Variants in FAM193B observed in about 807,000 individuals in gnomAD.
FAM193B encodes the protein family with sequence similarity 193 member B.
In FAM193B, 27 loss-of-function variants were observed where a neutral mutation model predicts 70.7. The ratio of observed to expected loss-of-function variants is 0.38; its 90% confidence interval spans 0.28 to 0.53. The LOEUF (loss-of-function observed/expected upper bound fraction) is 0.53. Among genes scored for constraint, FAM193B ranks in the 20% least tolerant of loss-of-function variants. The pLI, the probability that FAM193B is intolerant of heterozygous loss-of-function variation, is 0.81. For missense variants in FAM193B, 1,022 were observed against 1,072.5 expected, an observed-to-expected ratio of 0.95 and a Z score of 0.66; for synonymous variants, 448 against 436.0, an observed-to-expected ratio of 1.03 and a Z score of -0.34.
At chr5:177,528,388 G>A (rs1026852770) in intron 5 of FAM193B, among the ~76,000 whole-genome samples, 6 of 152,170 alleles carry the variant, frequency 3.9e-5, no homozygotes, top group Admixed American at 3.3e-4. Context: ...GAGGAAAGAG[G>A]CTGGGGAGGG....
In FAM193B at chr5:177,525,041, GT is replaced by G; in HGVS notation, c.1439del (p.Asn480ThrfsTer58). The G allele has an allele frequency of 6.3e-6, 10 of 1,586,936 alleles. No individual in the cohort carries two copies. The highest frequency in any genetic ancestry group is 2.3e-5 in the South Asian group (2 of 87,128). On this transcript the variant is annotated frameshift_variant, in exon 6 of 9. Transcript: ENST00000514747. LOFTEE classifies it high-confidence loss of function. ...FLSSRLQEIK[N>X]TVKDSIRASF... ...TGGCACGGATGGAGTCTTTGACAGT[GT>G]TTTTGATCTCCTGCAGACGGCTGCT...
intron 1 of FAM193B, among the ~76,000 whole-genome samples, chr5:177,549,677 G>A (rs942255560): frequency 6.6e-6 from 1 of 152,234 alleles, no homozygotes; most frequent in African/African-American, 2.4e-5. Context: ...AAGGGACTAT[G>A]TCTGATTCAC....
At chr5:177,548,428 C>T (rs1258664555) in intron 1 of FAM193B, among the ~76,000 whole-genome samples, 1 of 152,178 alleles carries the variant, frequency 6.6e-6, no homozygotes, top group East Asian at 1.9e-4. Context: ...TAGATCAGAA[C>T]TGGGGGAAGG....
chr5:177,553,847 G>A (rs1030773163), intron 1 of FAM193B: 4 of 1,276,146 alleles, frequency 3.1e-6, no homozygotes, highest in East Asian at 5.5e-5. Context: ...AGAGGGAAGA[G>A]GCTGCAGTCG....
intron 5 of FAM193B, chr5:177,531,623 G>C (rs974807694): frequency 1.3e-5 from 13 of 1,021,630 alleles, no homozygotes; most frequent in African/African-American, 1.2e-4. Flanking sequence ...CAAGACAACT[G>C]TTCTCTCTAC....
In FAM193B at chr5:177,522,015, T is replaced by C. The variant is rs1258435124; in HGVS notation, c.2429A>G (p.Asn810Ser). The change falls in exon 8 of 9, where the codon AAC (asparagine) becomes AGC (serine). Residue 810 changes from asparagine (N) to serine (S), a missense_variant. Physicochemically the swap from Asn to Ser is conservative, Grantham distance 46. Coordinates refer to ENST00000514747, the MANE Select transcript of FAM193B (RefSeq NM_001190946.3). ...TRQKVAVNWT[N>S]FSLKKTTPST... ...AGGAGTGGTTTTCTTGAGGCTGAAGTTGGTCCAGTTCACAGCAACTTTCTG... is the reference window on the plus strand; with the variant it reads ...AGGAGTGGTTTTCTTGAGGCTGAAGCTGGTCCAGTTCACAGCAACTTTCTG... The C allele has an allele frequency of 2.5e-6, 4 of 1,614,006 alleles. No individual in the cohort carries two copies. The highest frequency in any genetic ancestry group is 3.4e-6 in the Non-Finnish European group (4 of 1,179,872).
At chr5:177,552,697 T>TG (rs559723209) in intron 1 of FAM193B, among the ~76,000 whole-genome samples, 35 of 152,052 alleles carry the variant, frequency 2.3e-4, no homozygotes, top group Admixed American at 3.9e-4. Flanking sequence ...CAGTAGGGGT[T>TG]GGGGGTCCAA....
chr5:177,527,075 G>A (rs1458566829), intron 5 of FAM193B, among the ~76,000 whole-genome samples: 1 of 152,228 alleles, frequency 6.6e-6, no homozygotes, highest in Non-Finnish European at 1.5e-5. Flanking sequence ...CTGGAGGTGG[G>A]AGGATCTGCA....
intron 1 of FAM193B, among the ~76,000 whole-genome samples, chr5:177,539,978 CTTTTT>C (rs113794199): frequency 0.014 from 2,149 of 148,490 alleles, 40 homozygotes; most frequent in African/African-American, 0.05. Flanking sequence ...ATTATTTGGA[CTTTTT>C]TTTTTGCCTT....
At chr5:177,525,325 A>T (rs1455976961) in intron 5 of FAM193B, 120 bp from the exon 6 acceptor site, 38 of 1,075,562 alleles carry the variant, frequency 3.5e-5, no homozygotes, top group Non-Finnish European at 4.4e-5. Flanking sequence ...AAGCCTTAAA[A>T]TCCTAGCCTG....
chr5:177,525,929 A>G (rs1330958914), intron 5 of FAM193B, among the ~76,000 whole-genome samples: 1 of 152,140 alleles, frequency 6.6e-6, no homozygotes, highest in East Asian at 1.9e-4. Flanking sequence ...AGTCACCCCA[A>G]CCTCTCCATC....
chr5:177,527,748 TA>T (rs1762829119), intron 5 of FAM193B, among the ~76,000 whole-genome samples: 1 of 152,242 alleles, frequency 6.6e-6, no homozygotes, highest in Non-Finnish European at 1.5e-5. Flanking sequence ...CCAGGCATGC[TA>T]TTCCAGGTCA....
chr5:177,538,876 T>C lies in FAM193B; in HGVS notation c.453+29A>G. ...TTCCTTGGGGAGGAGCCCTCCTGCA[T>C]TCAGGGACCCCTGTCAGCGGTTACC... On this transcript the variant is annotated intron_variant, in intron 2 of 8. Transcript: ENST00000514747. The surrounding 1 kb of genome is among the most constrained non-coding windows in gnomAD (Gnocchi z 4.1). The C allele has an allele frequency of 6.2e-7, 1 of 1,611,286 alleles. No homozygotes were observed. The highest frequency in any genetic ancestry group is 8.5e-7 in the Non-Finnish European group (1 of 1,177,964).
At position 177,538,830 on chromosome 5, in the gene FAM193B, G is replaced by A; in HGVS notation, c.453+75C>T. The A allele has an allele frequency of 6.3e-7, 1 of 1,579,630 alleles. No individual in the cohort carries two copies. The highest frequency in any genetic ancestry group is 8.6e-7 in the Non-Finnish European group (1 of 1,159,128). On this transcript the variant is annotated intron_variant, in intron 2 of 8. Coordinates refer to ENST00000514747, the MANE Select transcript of FAM193B (RefSeq NM_001190946.3). This position sits in a 1 kb window ranked among gnomAD's most constrained non-coding sequence, Gnocchi z 4.1. ...GGGAGCTGCCCAAGGAGAGCCACCT[G>A]AGGACAGGGAACAGCCTGACTTCCT... is the stretch of plus-strand genomic sequence containing the variant.
Position 177,532,118 on chromosome 5 carries a change from A to G in FAM193B, c.1275+325T>C. The G allele has an allele frequency of 2.3e-6, 3 of 1,332,350 alleles. No homozygotes were observed. Among genetic ancestry groups the G allele is most frequent in the Non-Finnish European group, 2.9e-6 (3 of 1,017,834 alleles). 82.5% of individuals were successfully genotyped at this position (1,332,350 alleles called of 1,614,324 possible). ...CTTCCACTCTGCCTTCATCACTCCC[A>G]AGCGTTCACTTCTCTGGGATTACAC... On this transcript the variant is annotated intron_variant, in intron 5 of 8. Coordinates refer to ENST00000514747, the MANE Select transcript of FAM193B (RefSeq NM_001190946.3). This position sits in a 1 kb window ranked among gnomAD's most constrained non-coding sequence, Gnocchi z 4.9.
intron 3 of FAM193B, 94 bp from the exon 4 acceptor site, chr5:177,536,839 G>A: frequency 6.8e-7 from 1 of 1,470,178 alleles, no homozygotes; most frequent in Non-Finnish European, 9.1e-7. Context: ...CTGCTTCTGT[G>A]ACAAGAGGGC....
Position 177,539,125 on chromosome 5 carries a change from G to A in FAM193B, c.233C>T (p.Pro78Leu). ...ACACAGCAGGCAGCAAGTCTGCACA[G>A]GCTGGCTGGAGGCGGGGGGGACCTG... ...GPQVPPASSQ[P>L]VQTCCLLCHR... Residue 78 changes from proline to leucine, a missense_variant, in exon 2 of 9, where the codon CCT becomes CTT. Coordinates refer to ENST00000514747, the MANE Select transcript of FAM193B (RefSeq NM_001190946.3). The A allele has an allele frequency of 6.3e-7, 1 of 1,589,754 alleles. No homozygotes were observed. Among genetic ancestry groups the A allele is most frequent in the Non-Finnish European group, 8.6e-7 (1 of 1,167,486 alleles).
intron 1 of FAM193B, chr5:177,547,286 C>CTTTTTTCTT (rs1554120825): frequency 7.8e-5 from 7 of 89,414 alleles, no homozygotes; most frequent in Non-Finnish European, 1.4e-4. Context: ...AAATTTATTT[C>CTTTTTTCTT]TTTTTTTTTT....
At position 177,524,844 on chromosome 5, in the gene FAM193B, G is replaced by A. The variant is rs745623706; in HGVS notation, c.1637C>T (p.Thr546Met). 21 of 1,512,954 alleles carry A rather than the reference G, an allele frequency of 1.4e-5. No individual in the cohort carries two copies. Among genetic ancestry groups the A allele is most frequent in the South Asian group, 9.4e-5 (7 of 74,374 alleles). 93.7% of individuals were successfully genotyped at this position (1,512,954 alleles called of 1,614,324 possible). A position where few individuals can be genotyped will look rare whatever the true frequency, so the allele number is the denominator to read the frequency against. Residue 546 changes from threonine (T) to methionine (M), a missense_variant, in exon 6 of 9, where the codon ACG (threonine) becomes ATG (methionine). Coordinates refer to ENST00000514747, the MANE Select transcript of FAM193B (RefSeq NM_001190946.3). Reference sequence around the variant, plus strand: ...GGCTGGCTCGCCTGGAGCTTGTAACGTGTGGTTCTGAGGGGAGCCCAAAGT... The same window carrying A: ...GGCTGGCTCGCCTGGAGCTTGTAACATGTGGTTCTGAGGGGAGCCCAAAGT... ...PLTLGSPQNH[T>M]LQAPGEPAPP...
Sources: gnomAD v4.1 joint callset for allele counts (sites outside exome capture counted in the v4.1 genomes callset) on GRCh38, gnomAD v4.1.1 for gene constraint, Gnocchi (gnomAD v3.1) non-coding constraint, MANE v1.5 for transcripts, NCBI Gene and HGNC (gene_info 2026-07-23, HGNC 2026-07-21) for gene names.